SGK3: variants seen among roughly 807,000 people sequenced by gnomAD.
SGK3 encodes the protein serine/threonine-protein kinase Sgk3.
In SGK3, 47 loss-of-function variants were observed where a neutral mutation model predicts 68.5. The observed-to-expected ratio is 0.69, with a 90% confidence interval of 0.54 to 0.87. SGK3 has a LOEUF of 0.87. Ranked by LOEUF, SGK3 falls within the 40% of genes least tolerant of loss-of-function variation. SGK3 has a pLI of 0.00. For synonymous variants in SGK3, 181 were observed against 189.1 expected (o/e 0.96, Z 0.35); for missense variants, 479 against 575.5 (o/e 0.83, Z 1.72).
At chr8:66,836,771 C>CTTTT (rs35857638) in intron 10 of SGK3, among the ~76,000 whole-genome samples, 22 of 118,090 alleles carry the variant, frequency 1.9e-4, no homozygotes, top group Non-Finnish European at 2.8e-4. Context: ...GTCAGGATAT[C>CTTTT]TTTTTTTTTT....
intron 5 of SGK3, 27 bp downstream of exon 5, chr8:66,813,955 G>A (rs1232958540): frequency 1.3e-6 from 2 of 1,546,452 alleles, no homozygotes; most frequent in East Asian, 2.4e-5. Context: ...GCGTTCTAAA[G>A]GGACATTAAA....
intron 1 of SGK3, among the ~76,000 whole-genome samples, chr8:66,774,765 C>G (rs1253425705): frequency 6.6e-6 from 1 of 152,156 alleles, no homozygotes; most frequent in African/African-American, 2.4e-5. Flanking sequence ...GGAATTGCTT[C>G]GTTTCTTTGC....
intron 1 of SGK3, among the ~76,000 whole-genome samples, chr8:66,734,228 C>A (rs372299069): frequency 2.9e-5 from 3 of 104,234 alleles, no homozygotes; most frequent in African/African-American, 1.0e-4. Context: ...CTTTTTCTTT[C>A]TTTTTTTTTT....
chr8:66,796,030 C>T (rs1448878689), intron 2 of SGK3, among the ~76,000 whole-genome samples: 1 of 152,158 alleles, frequency 6.6e-6, no homozygotes, highest in Non-Finnish European at 1.5e-5. Flanking sequence ...ACAGTGCAGT[C>T]CTCAATCCTC....
chr8:66,720,795 A>ATATATATATATATATATATATAT (rs1554590881), intron 1 of SGK3, among the ~76,000 whole-genome samples: 4 of 150,850 alleles, frequency 2.7e-5, no homozygotes, highest in African/African-American at 9.8e-5. Flanking sequence ...ATATATATAT[A>ATATATATATATATATATATATAT]ATTAGCCAGG....
intron 1 of SGK3, among the ~76,000 whole-genome samples, chr8:66,738,456 A>G (rs1253262601): frequency 3.3e-5 from 5 of 152,184 alleles, no homozygotes; most frequent in African/African-American, 7.2e-5. Context: ...GGTCCTTAGC[A>G]TGGCTCGTTA....
chr8:66,770,039 C>T (rs1433598361), intron 1 of SGK3, among the ~76,000 whole-genome samples: 1 of 152,128 alleles, frequency 6.6e-6, no homozygotes, highest in Non-Finnish European at 1.5e-5. Flanking sequence ...CTGCAAGCTC[C>T]ACCTCCCGGG....
chr8:66,745,447 G>A (rs552286643), intron 1 of SGK3, among the ~76,000 whole-genome samples: 39 of 152,114 alleles, frequency 2.6e-4, no homozygotes, highest in Non-Finnish European at 4.1e-4. Context: ...GGTGGCGGGC[G>A]CCTGTAGTCC....
rs574982232 is a variant in SGK3, at chr8:66,809,737, T to C, written c.254-4116T>C. Among the ~76,000 whole-genome samples the C allele has an allele frequency of 7.4e-4, 112 of 152,366 alleles. 1 individual carries two copies. Among genetic ancestry groups the C allele is most frequent in the African/African-American group, 2.6e-3 (109 of 41,594 alleles). On this transcript the variant is annotated intron_variant, in intron 4 of 16. Transcript: ENST00000521198. ...CATAAATAGAAGAATCACAGAATGATAGAACTGGAAAATCCTCGTACAACT... is the reference window on the plus strand; with the variant it reads ...CATAAATAGAAGAATCACAGAATGACAGAACTGGAAAATCCTCGTACAACT...
chr8:66,802,875 T>C (rs1334456660), intron 3 of SGK3, among the ~76,000 whole-genome samples: 1 of 152,112 alleles, frequency 6.6e-6, no homozygotes, highest in East Asian at 1.9e-4. Flanking sequence ...TACGTGGCCA[T>C]TCCTGGTTCA....
chr8:66,834,704 C>T lies in SGK3; in HGVS notation c.526-1059C>T, dbSNP rs190176313. Among the ~76,000 whole-genome samples the T allele has an allele frequency of 1.3e-3, 204 of 152,022 alleles. 2 individuals carry two copies. The highest frequency in any genetic ancestry group is 2.2e-3 in the Non-Finnish European group (148 of 67,960). On this transcript the variant is annotated intron_variant, in intron 8 of 16. Coordinates refer to ENST00000521198, the MANE Select transcript of SGK3 (RefSeq NM_001033578.3). The stretch of plus-strand genomic sequence containing the variant: ...ATCTCAGCACTTTGGGAGGCCCAGA[C>T]GGGTGGATCACAAGGCCAGGAAATC...
chr8:66,817,069 A>T (rs2130654118), intron 5 of SGK3, among the ~76,000 whole-genome samples: 2 of 150,700 alleles, frequency 1.3e-5, no homozygotes, highest in South Asian at 4.2e-4. Flanking sequence ...ACCTCAGATG[A>T]TCTGCCTCCC....
chr8:66,815,946 TCC>T (rs1808556227), intron 5 of SGK3, among the ~76,000 whole-genome samples: 1 of 152,170 alleles, frequency 6.6e-6, no homozygotes, highest in Non-Finnish European at 1.5e-5. Flanking sequence ...CCATCACCAT[TCC>T]ATTCATGATA....
At chr8:66,767,344 C>T (rs1806348817) in intron 1 of SGK3, 1 of 1,034,260 alleles carries the variant, frequency 9.7e-7, no homozygotes, top group Non-Finnish European at 1.5e-6. Flanking sequence ...TTCTGTTAAA[C>T]AAATAATGCT....
At position 66,740,972 on chromosome 8, in the gene SGK3, C is replaced by T. The variant is rs543294258; in HGVS notation, c.-122+28139C>T. ...ATGGAGGAAAAAATTTCCCCCATTC[C>T]ATCCTGCATACCAGAAGAGACTAAT... On this transcript the variant is annotated intron_variant, in intron 1 of 16. Transcript: ENST00000521198. Among the ~76,000 whole-genome samples the T allele has an allele frequency of 2.6e-4, 39 of 150,946 alleles. No individual in the cohort carries two copies. In the East Asian group the frequency reaches 6.4e-3, roughly 25 times the overall value.
chr8:66,722,756 G>A (rs1438755102), intron 1 of SGK3, among the ~76,000 whole-genome samples: 1 of 152,152 alleles, frequency 6.6e-6, no homozygotes, highest in Non-Finnish European at 1.5e-5. Flanking sequence ...TTGGCCCATG[G>A]TTCTGCAGGC....
intron 2 of SGK3, among the ~76,000 whole-genome samples, chr8:66,796,439 A>AT (rs1176326466): frequency 1.8e-4 from 24 of 131,916 alleles, no homozygotes; most frequent in African/African-American, 6.8e-4. Flanking sequence ...TGCTGGGATT[A>AT]TAGGCATGAG....
chr8:66,763,440 C>G (rs1806230021), intron 1 of SGK3, among the ~76,000 whole-genome samples: 1 of 152,106 alleles, frequency 6.6e-6, no homozygotes, highest in Non-Finnish European at 1.5e-5. Context: ...TTAGGACATT[C>G]CAGGCTCATC....
In SGK3 at chr8:66,796,321, ATTTTTTTTTTTTT is replaced by A. The variant is rs71249408; in HGVS notation, c.97-2202_97-2190del. 1.6e-3 allele frequency among the ~76,000 whole-genome samples: 66 copies of A among 41,362 alleles called. 1 individual carries two copies. Among genetic ancestry groups the A allele is most frequent in the Non-Finnish European group, 2.2e-3 (50 of 22,676 alleles). 27.1% of individuals were successfully genotyped at this position (41,362 alleles called of 152,430 possible). On this transcript the variant is annotated intron_variant, in intron 2 of 16. Coordinates refer to ENST00000521198, the MANE Select transcript of SGK3 (RefSeq NM_001033578.3). ...CCAGCTAATTTTTTGTATTTTTTGT[ATTTTTTTTTTTTT>A]TTTTTTTTTTTTTTTTTTAGAAGGG...
Sources: allele counts gnomAD v4.1 joint callset (sites outside exome capture counted in the v4.1 genomes callset), GRCh38; gene constraint gnomAD v4.1.1; transcripts MANE v1.5; gene names NCBI Gene and HGNC (gene_info 2026-07-23, HGNC 2026-07-21).